Variants in DNAH5 observed in about 807,000 individuals in gnomAD.
DNAH5 encodes the protein axonemal beta dynein heavy chain 5.
In DNAH5, 372 loss-of-function variants were observed where a neutral mutation model predicts 518.2. The observed-to-expected ratio is 0.72, with a 90% CI of 0.66 to 0.78. The LOEUF (loss-of-function observed/expected upper bound fraction) is 0.78, where lower values mean the gene tolerates loss of function less well. DNAH5 is among the 30% of genes least tolerant of loss of function. The probability of loss-of-function intolerance (pLI) is 0.00; values close to 1 mark genes in which losing one functional copy is unlikely to be tolerated. For synonymous variants in DNAH5, 2,039 were observed against 2,025.9 expected, an observed-to-expected ratio of 1.01 and a Z score of -0.17; for missense variants, 5,523 against 5,687.0, an observed-to-expected ratio of 0.97 and a Z score of 0.93.
chr5:13,896,801 T>G (rs1486841561), intron 15 of DNAH5: 1 of 152,230 alleles, frequency 6.6e-6, no homozygotes, highest in Non-Finnish European at 1.5e-5. Context: ...CTGTCAATAT[T>G]TTGTTCATAT....
At position 13,862,545 on chromosome 5, in the gene DNAH5, C is replaced by A; in HGVS notation, c.4796+3G>T. On this transcript the variant is annotated splice_donor_region_variant and intron_variant, in intron 29 of 78. Transcript: ENST00000265104. ...TAAGGGAAAAGATAGATGGTTTTCC[C>A]ACCTGTTGCTCAGTAGGGATCCCAG... 1.9e-6 allele frequency: 3 copies of A among 1,613,664 alleles called. No individual in the cohort carries two copies. The highest frequency in any genetic ancestry group is 2.2e-5 in the South Asian group (2 of 91,028).
intron 12 of DNAH5, among the ~76,000 whole-genome samples, chr5:13,908,401 C>T (rs141488744): frequency 3.0e-4 from 45 of 152,318 alleles, no homozygotes; most frequent in African/African-American, 1.1e-3. Flanking sequence ...CAGCAAATCT[C>T]TACTGAGCCC....
chr5:13,738,462 C>T (rs1415046427), intron 65 of DNAH5, among the ~76,000 whole-genome samples: 7 of 152,142 alleles, frequency 4.6e-5, no homozygotes, highest in South Asian at 2.1e-4. Context: ...ACTGTGAGCA[C>T]GTTTAAATTG....
intron 52 of DNAH5, among the ~76,000 whole-genome samples, chr5:13,784,031 C>T (rs2126856596): frequency 6.6e-6 from 1 of 152,324 alleles, no homozygotes; most frequent in African/African-American, 2.4e-5. Flanking sequence ...TTCACACCTC[C>T]AACATCACAC....
chr5:13,702,159 A>C (rs1742203097), intron 76 of DNAH5, among the ~76,000 whole-genome samples: 1 of 151,160 alleles, frequency 6.6e-6, no homozygotes, highest in Admixed American at 6.6e-5. Context: ...TAATGTCATC[A>C]GCAGCAGCAG....
At chr5:13,739,593 G>A (rs779077005) in intron 65 of DNAH5, among the ~76,000 whole-genome samples, 1 of 152,164 alleles carries the variant, frequency 6.6e-6, no homozygotes, top group Non-Finnish European at 1.5e-5. Context: ...TATTGAGAGA[G>A]CCAGAAATCT....
chr5:13,958,806 T>C (rs1780951388), intron 1 of DNAH5, among the ~76,000 whole-genome samples: 2 of 152,228 alleles, frequency 1.3e-5, no homozygotes, highest in South Asian at 4.1e-4. Flanking sequence ...CAAATTATTA[T>C]CTTACAGTGC....
intron 38 of DNAH5, among the ~76,000 whole-genome samples, chr5:13,828,195 T>G (rs1763156989): frequency 6.6e-6 from 1 of 152,218 alleles, no homozygotes; most frequent in African/African-American, 2.4e-5. Flanking sequence ...TCTGTGTGTG[T>G]CTGAACACTC....
chr5:13,786,516 G>A (rs767830243), intron 51 of DNAH5, among the ~76,000 whole-genome samples, 165 bp from the exon 52 acceptor site: 4 of 152,152 alleles, frequency 2.6e-5, no homozygotes, highest in Non-Finnish European at 5.9e-5. Context: ...CAATAGAAGC[G>A]TTAGGATTTT....
Position 13,793,619 on chromosome 5 carries a change from A to C in DNAH5, c.8120T>G (p.Ile2707Ser), listed in dbSNP as rs1006592085. The change falls in exon 49 of 79, where the codon ATC becomes AGC. Residue 2707 changes from isoleucine (I) to serine (S), a missense_variant. Physicochemically the swap from Ile to Ser is moderately radical, Grantham distance 142. Coordinates refer to ENST00000265104, the MANE Select transcript of DNAH5 (RefSeq NM_001369.3). ...GTCATTGCGTCCACCACCAGGATGG[A>C]TCATGGCTGCCAAAAACTGGATGTC... The part of the protein sequence containing the change: ...IVDIQFLAAM[I>S]HPGGGRNDIP... 1.2e-6 allele frequency: 2 copies of C among 1,614,054 alleles called. No individual in the cohort carries two copies.
intron 70 of DNAH5, among the ~76,000 whole-genome samples, chr5:13,726,313 C>A (rs1228091994): frequency 6.6e-6 from 1 of 152,132 alleles, no homozygotes; most frequent in African/African-American, 2.4e-5. Flanking sequence ...TGAATGGCAC[C>A]ATATTTGCAT....
At chr5:13,865,283 G>T (rs1769077495) in intron 27 of DNAH5, among the ~76,000 whole-genome samples, 1 of 152,110 alleles carries the variant, frequency 6.6e-6, no homozygotes, top group Non-Finnish European at 1.5e-5. Context: ...ATGAGCTACT[G>T]CACCCAGCCA....
At chr5:13,972,851 T>G (rs1781974757) in intron 1 of DNAH5, among the ~76,000 whole-genome samples, 1 of 152,206 alleles carries the variant, frequency 6.6e-6, no homozygotes, top group South Asian at 2.1e-4. Context: ...TAATCCTGCC[T>G]CCTATCTGCT....
Position 13,762,612 on chromosome 5 carries a change from A to G in DNAH5, c.10281+110T>C, listed in dbSNP as rs916003654. ...TATGCTCACTCTCCCCATGGACCTG[A>G]GTATCCTAACACCAGAAGCCACAGG... On this transcript the variant is annotated intron_variant, in intron 60 of 78. Transcript: ENST00000265104. The G allele has an allele frequency of 8.6e-6, 8 of 926,032 alleles. No homozygotes were observed. In the African/African-American group the frequency reaches 1.3e-4, roughly 15 times the overall value. 57.4% of individuals were successfully genotyped at this position (926,032 alleles called of 1,614,324 possible). A position where few individuals can be genotyped will look rare whatever the true frequency, so the allele number is the denominator to read the frequency against.
At chr5:13,715,499 T>C (rs1391422508) in intron 74 of DNAH5, among the ~76,000 whole-genome samples, 3 of 152,196 alleles carry the variant, frequency 2.0e-5, no homozygotes, top group Non-Finnish European at 4.4e-5. Context: ...TTTGCTGATT[T>C]GAATTAATAA....
chr5:13,843,763 C>T (rs151064026), intron 32 of DNAH5, among the ~76,000 whole-genome samples: 1 of 152,208 alleles, frequency 6.6e-6, no homozygotes, highest in Admixed American at 6.5e-5. Context: ...TTCTACTTAC[C>T]TTCAAAACAT....
At chr5:13,814,578 T>C (rs1216748829) in intron 43 of DNAH5, 27 bp downstream of exon 43, 1 of 1,610,306 alleles carries the variant, frequency 6.2e-7, no homozygotes, top group South Asian at 1.1e-5. Flanking sequence ...TCCTTTTTAA[T>C]TATACAAAAG....
At chr5:13,769,691 AT>A (rs1194621125) in intron 56 of DNAH5, 76 bp from the exon 57 acceptor site, 2 of 1,191,728 alleles carry the variant, frequency 1.7e-6, no homozygotes, top group Non-Finnish European at 2.5e-6. Flanking sequence ...TGGTCCAATA[AT>A]GAGTGGTAAT....
chr5:13,862,477 T>A, intron 29 of DNAH5, 71 bp downstream of exon 29: 2 of 1,456,620 alleles, frequency 1.4e-6, no homozygotes, highest in Non-Finnish European at 1.9e-6. Context: ...TTGTAATGGA[T>A]TTTTCATTAA....
Sources: allele counts gnomAD v4.1 joint callset (sites outside exome capture counted in the v4.1 genomes callset), GRCh38; gene constraint gnomAD v4.1.1; transcripts MANE v1.5; gene names NCBI Gene and HGNC (gene_info 2026-07-23, HGNC 2026-07-21).